Variants in ABRAXAS2 observed in about 807,000 individuals in gnomAD.
The protein encoded by ABRAXAS2 is BRISC complex subunit Abraxas 2.
ABRAXAS2 carries 23 observed loss-of-function variants against 49.0 expected under a neutral mutation model. That is an observed-to-expected ratio of 0.47 (90% confidence interval 0.34 to 0.66). The LOEUF (loss-of-function observed/expected upper bound fraction) is 0.66. Among genes scored for constraint, ABRAXAS2 ranks in the 30% least tolerant of loss-of-function variants. The probability of loss-of-function intolerance (pLI) is 0.01; values close to 1 mark genes in which losing one functional copy is unlikely to be tolerated. For missense variants in ABRAXAS2, 443 were observed against 511.9 expected (o/e 0.87, Z 1.30); for synonymous variants, 168 against 180.2 (o/e 0.93, Z 0.54).
At chr10:124,807,074 A>G (rs950506414) in intron 2 of ABRAXAS2, among the ~76,000 whole-genome samples, 153 bp downstream of exon 2, 1 of 152,118 alleles carries the variant, frequency 6.6e-6, no homozygotes, top group African/African-American at 2.4e-5. Context: ...GCACTTTGGG[A>G]GGCCGAGGCG....
intron 4 of ABRAXAS2, among the ~76,000 whole-genome samples, chr10:124,823,781 C>T (rs1950877498): frequency 6.6e-6 from 1 of 152,220 alleles, no homozygotes; most frequent in African/African-American, 2.4e-5. Context: ...TTTTCAACAT[C>T]AGTGACTTAG....
At chr10:124,833,051 C>T (rs1184320124) in intron 8 of ABRAXAS2, among the ~76,000 whole-genome samples, 3 of 144,292 alleles carry the variant, frequency 2.1e-5, no homozygotes, top group East Asian at 2.1e-4. Context: ...GAGGCTGAGG[C>T]GGGAGAATCG....
In ABRAXAS2 at chr10:124,835,206, C is replaced by A; in HGVS notation, c.*235C>A. The stretch of plus-strand genomic sequence containing the variant: ...TAATCAAATTGTCCTAATTCTGGTG[C>A]GATTCATGGATATACTGGTAAATTT... On this transcript the variant is annotated 3_prime_UTR_variant, in exon 9 of 9. Transcript: ENST00000298492. The A allele has an allele frequency of 2.5e-6, 1 of 392,964 alleles. No homozygotes were observed. The highest frequency in any genetic ancestry group is 4.5e-6 in the Non-Finnish European group (1 of 220,548). The allele number at this position is 392,964 out of a possible 1,614,324, so 24.3% of individuals were successfully genotyped here.
intron 1 of ABRAXAS2, among the ~76,000 whole-genome samples, chr10:124,802,588 A>G (rs1336989806): frequency 6.6e-6 from 1 of 152,212 alleles, no homozygotes. Context: ...GTGAGCCCAC[A>G]GGAGGAGCAG....
At chr10:124,807,179 G>A (rs1237946831) in intron 2 of ABRAXAS2, among the ~76,000 whole-genome samples, 1 of 151,956 alleles carries the variant, frequency 6.6e-6, no homozygotes, top group African/African-American at 2.4e-5. Flanking sequence ...CGGGCATGGT[G>A]GCGGACGCCT....
intron 1 of ABRAXAS2, among the ~76,000 whole-genome samples, chr10:124,805,335 C>A (rs4962701): frequency 1.4e-5 from 2 of 142,424 alleles, no homozygotes; most frequent in African/African-American, 2.7e-5. Context: ...AGCGAGACTC[C>A]GTCTCAAAAA....
intron 2 of ABRAXAS2, among the ~76,000 whole-genome samples, chr10:124,812,644 A>AAAAT (rs999069966): frequency 1.3e-5 from 2 of 152,118 alleles, no homozygotes; most frequent in African/African-American, 4.8e-5. Context: ...CCTTGTCTCA[A>AAAAT]AAATAAATAA....
chr10:124,801,994 G>A, intron 1 of ABRAXAS2, 93 bp downstream of exon 1: 2 of 1,304,472 alleles, frequency 1.5e-6, no homozygotes, highest in South Asian at 2.6e-5. Flanking sequence ...CATGCGGCTC[G>A]CCCCCTGGGC....
intron 2 of ABRAXAS2, among the ~76,000 whole-genome samples, chr10:124,815,411 G>A (rs1434535706): frequency 6.6e-6 from 1 of 151,890 alleles, no homozygotes; most frequent in Non-Finnish European, 1.5e-5. Context: ...AGCCAGGATG[G>A]TCTCGATCTC....
At chr10:124,816,193 G>A (rs980643554) in intron 2 of ABRAXAS2, among the ~76,000 whole-genome samples, 1 of 152,194 alleles carries the variant, frequency 6.6e-6, no homozygotes, top group Admixed American at 6.5e-5. Context: ...GAGCCACTGC[G>A]ACCTGCCTAT....
intron 2 of ABRAXAS2, among the ~76,000 whole-genome samples, chr10:124,809,024 G>A (rs1049524541): frequency 2.9e-4 from 44 of 152,118 alleles, no homozygotes; most frequent in Admixed American, 2.1e-3. Flanking sequence ...CCAGCTACTC[G>A]GGAGGCTGAG....
chr10:124,821,057 G>T (rs1347877027), intron 4 of ABRAXAS2, among the ~76,000 whole-genome samples: 1 of 151,744 alleles, frequency 6.6e-6, no homozygotes, highest in Non-Finnish European at 1.5e-5. Flanking sequence ...GCAACTACAG[G>T]TATGCACCAC....
At chr10:124,810,347 G>A (rs758464736) in intron 2 of ABRAXAS2, among the ~76,000 whole-genome samples, 9 of 152,130 alleles carry the variant, frequency 5.9e-5, no homozygotes, top group African/African-American at 1.7e-4. Context: ...GCAAGGTGGC[G>A]AGACCCTGTC....
At chr10:124,811,520 G>A (rs1409818593) in intron 2 of ABRAXAS2, among the ~76,000 whole-genome samples, 1 of 152,000 alleles carries the variant, frequency 6.6e-6, no homozygotes, top group Non-Finnish European at 1.5e-5. Flanking sequence ...GAGGTCAGGA[G>A]AGGTCAGGAG....
At chr10:124,812,581 T>C (rs932867805) in intron 2 of ABRAXAS2, among the ~76,000 whole-genome samples, 1 of 152,150 alleles carries the variant, frequency 6.6e-6, no homozygotes, top group Admixed American at 6.5e-5. Context: ...AGATTGAGGC[T>C]ACAGTGAACT....
chr10:124,827,150 G>A (rs1310489966), intron 5 of ABRAXAS2, among the ~76,000 whole-genome samples: 2 of 144,848 alleles, frequency 1.4e-5, no homozygotes, highest in East Asian at 4.0e-4. Context: ...TCAAAAATGT[G>A]CATTATAGTG....
chr10:124,829,790 T>C (rs1006302712), intron 7 of ABRAXAS2, among the ~76,000 whole-genome samples: 1 of 152,226 alleles, frequency 6.6e-6, no homozygotes, highest in Non-Finnish European at 1.5e-5. Flanking sequence ...CCATCAGTTA[T>C]ATTCTAAGTA....
At chr10:124,833,699 G>A (rs2134174861) in intron 8 of ABRAXAS2, among the ~76,000 whole-genome samples, 1 of 152,092 alleles carries the variant, frequency 6.6e-6, no homozygotes, top group African/African-American at 2.4e-5. Context: ...TGGAATTGTG[G>A]GCAGCTTTTA....
intron 1 of ABRAXAS2, among the ~76,000 whole-genome samples, chr10:124,806,028 C>T (rs1950739963): frequency 6.6e-6 from 1 of 151,926 alleles, no homozygotes; most frequent in South Asian, 2.1e-4. Flanking sequence ...CGGCTGGGCA[C>T]GATGGCTCAC....
Sources: gnomAD v4.1 joint callset for allele counts (sites outside exome capture counted in the v4.1 genomes callset) on GRCh38, gnomAD v4.1.1 for gene constraint, MANE v1.5 for transcripts, NCBI Gene and HGNC (gene_info 2026-07-23, HGNC 2026-07-21) for gene names.